ZNF536: variants seen among roughly 807,000 people sequenced by gnomAD.
The protein encoded by ZNF536 is zinc finger protein 536.
Under a neutral mutation model 84.5 loss-of-function variants are expected in ZNF536, and 13 were observed. The ratio of observed to expected loss-of-function variants is 0.15; its 90% confidence interval spans 0.10 to 0.24. ZNF536 has a LOEUF of 0.24. Ranked by LOEUF, ZNF536 falls within the 10% of genes least tolerant of loss-of-function variation. ZNF536 has a pLI of 1.00. For missense variants in ZNF536, 1,536 were observed against 1,747.5 expected (o/e 0.88, Z 2.16); for synonymous variants, 811 against 742.5 (o/e 1.09, Z -1.50).
chr19:30,589,001 G>A (rs913322001), intron 1 of ZNF536, among the ~76,000 whole-genome samples: 1 of 152,226 alleles, frequency 6.6e-6, no homozygotes, highest in Admixed American at 6.5e-5. Flanking sequence ...GAGCTATTCA[G>A]ACTTGGTGAA....
In ZNF536 at chr19:30,491,685, A is replaced by C. The variant is rs370196504; in HGVS notation, c.2171-43162A>C. Among the ~76,000 whole-genome samples the C allele has an allele frequency of 5.8e-4, 89 of 152,270 alleles. 2 individuals are homozygous for C. In the South Asian group the frequency reaches 0.018, roughly 30 times the overall value. ...GTGCACTAACAAAAAATTCTTTTGA[A>C]ATAATAGGTGCTAGAAATCACAATT... On this transcript the variant is annotated intron_variant, in intron 2 of 4. Coordinates refer to ENST00000355537, the MANE Select transcript of ZNF536 (RefSeq NM_014717.3).
In ZNF536 at chr19:30,549,219, C is replaced by G. The variant is rs545401755; in HGVS notation, c.3600C>G (p.Asp1200Glu). Residue 1200 changes from aspartate to glutamate, a missense_variant, in exon 4 of 5, where the codon GAC (aspartate) becomes GAG (glutamate). Asp to Glu is a conservative substitution (Grantham distance 45). Coordinates refer to ENST00000355537, the MANE Select transcript of ZNF536 (RefSeq NM_014717.3). ...AGCCACTGTCTGCCCTCAGCAAAGACAGCAGCAGCGATGGCGGGGACAGCC... is the reference window on the plus strand; with the variant it reads ...AGCCACTGTCTGCCCTCAGCAAAGAGAGCAGCAGCGATGGCGGGGACAGCC... ...MTKPLSALSK[D>E]SSSDGGDSLQ... The G allele has an allele frequency of 1.9e-6, 3 of 1,613,994 alleles. No homozygotes were observed. The highest frequency in any genetic ancestry group is 3.3e-5 in the Admixed American group (2 of 60,012).
At chr19:30,605,611 A>G (rs1246963196) in intron 1 of ZNF536, among the ~76,000 whole-genome samples, 1 of 152,156 alleles carries the variant, frequency 6.6e-6, no homozygotes, top group African/African-American at 2.4e-5. Flanking sequence ...GGTTGGTTCC[A>G]TATCTTTGCA....
intron 2 of ZNF536, among the ~76,000 whole-genome samples, chr19:30,310,958 C>A (rs757413181): frequency 2.6e-5 from 4 of 152,194 alleles, no homozygotes; most frequent in Non-Finnish European, 4.4e-5. Context: ...GGCCCCGGCT[C>A]CCTTGCCCGT....
chr19:30,329,678 C>T (rs1213585740), intron 2 of ZNF536, among the ~76,000 whole-genome samples: 1 of 152,180 alleles, frequency 6.6e-6, no homozygotes, highest in Non-Finnish European at 1.5e-5. Context: ...TATCAGGCCC[C>T]TCTCCCTCTC....
chr19:30,255,686 A>G (rs1297879057), intron 1 of ZNF536, among the ~76,000 whole-genome samples: 2 of 152,212 alleles, frequency 1.3e-5, no homozygotes, highest in African/African-American at 2.4e-5. Flanking sequence ...CAACTTCAAT[A>G]CAGCAGTCTG....
At chr19:30,377,418 A>G (rs1219662099) in intron 1 of ZNF536, among the ~76,000 whole-genome samples, 2 of 152,172 alleles carry the variant, frequency 1.3e-5, no homozygotes, top group Non-Finnish European at 2.9e-5. Flanking sequence ...CCAGACCCCA[A>G]GAGAGGCTTC....
chr19:30,408,384 T>C (rs2050350601), intron 1 of ZNF536, among the ~76,000 whole-genome samples: 1 of 152,192 alleles, frequency 6.6e-6, no homozygotes, highest in African/African-American at 2.4e-5. Flanking sequence ...GATGCCCTTG[T>C]GAGCCAGCCT....
chr19:30,423,825 G>A (rs2051090425), intron 1 of ZNF536, among the ~76,000 whole-genome samples: 1 of 151,778 alleles, frequency 6.6e-6, no homozygotes. Context: ...AGCGGTCGCT[G>A]CGAAGGACGT....
At chr19:30,466,363 G>A (rs561912284) in intron 2 of ZNF536, among the ~76,000 whole-genome samples, 21 of 146,608 alleles carry the variant, frequency 1.4e-4, no homozygotes, top group South Asian at 1.3e-3. Flanking sequence ...GCAACAAAGC[G>A]AAACTCCATT....
chr19:30,661,406 G>A (rs2050116769), intron 1 of ZNF536, among the ~76,000 whole-genome samples: 1 of 152,186 alleles, frequency 6.6e-6, no homozygotes, highest in Non-Finnish European at 1.5e-5. Flanking sequence ...GTCCTGCAAA[G>A]GAAAAGGCTG....
intron 1 of ZNF536, among the ~76,000 whole-genome samples, chr19:30,376,416 G>A (rs2048820628): frequency 6.6e-6 from 1 of 152,156 alleles, no homozygotes; most frequent in Admixed American, 6.5e-5. Flanking sequence ...CCAGCCCCCT[G>A]CCTCCCACTA....
chr19:30,680,416 C>A (rs2050922583), intron 1 of ZNF536, among the ~76,000 whole-genome samples: 1 of 115,262 alleles, frequency 8.7e-6, no homozygotes, highest in East Asian at 2.7e-4. Flanking sequence ...CCCCACCCCA[C>A]AACAGTCCCC....
intron 2 of ZNF536, among the ~76,000 whole-genome samples, chr19:30,332,322 C>T (rs1341962702): frequency 6.6e-6 from 1 of 152,124 alleles, no homozygotes; most frequent in African/African-American, 2.4e-5. Context: ...CCCAGAGATC[C>T]TCACCTCTGG....
At chr19:30,268,042 C>CGCCTCCCTCCCTTCCTCTCCCCCT (rs2025611350) in intron 1 of ZNF536, among the ~76,000 whole-genome samples, 1 of 118,296 alleles carries the variant, frequency 8.5e-6, no homozygotes. Context: ...TTCCTCCCCC[C>CGCCTCCCTCCCTTCCTCTCCCCCT]GCCTCCCTCC....
chr19:30,276,117 C>A (rs1362507393), intron 1 of ZNF536, among the ~76,000 whole-genome samples: 4 of 151,904 alleles, frequency 2.6e-5, no homozygotes, highest in Non-Finnish European at 4.4e-5. Flanking sequence ...GTGCAGGGAG[C>A]CGACTGGAGC....
chr19:30,266,430 T>C (rs1268058771), intron 1 of ZNF536, among the ~76,000 whole-genome samples: 1 of 152,146 alleles, frequency 6.6e-6, no homozygotes, highest in East Asian at 1.9e-4. Context: ...CCAAGAATTC[T>C]TCCCTGTGGT....
chr19:30,254,154 C>T (rs2024779427), intron 1 of ZNF536, among the ~76,000 whole-genome samples: 1 of 152,152 alleles, frequency 6.6e-6, no homozygotes, highest in Non-Finnish European at 1.5e-5. Context: ...AAGATTATGT[C>T]TATCTAGTTA....
At chr19:30,634,201 G>A (rs749491414) in intron 1 of ZNF536, among the ~76,000 whole-genome samples, 10 of 152,282 alleles carry the variant, frequency 6.6e-5, no homozygotes, top group South Asian at 2.1e-4. Flanking sequence ...GGCTTAAGGC[G>A]CGGTGCTGGC....
Sources: gnomAD v4.1 joint callset for allele counts (sites outside exome capture counted in the v4.1 genomes callset) on GRCh38, gnomAD v4.1.1 for gene constraint, MANE v1.5 for transcripts, NCBI Gene and HGNC (gene_info 2026-07-23, HGNC 2026-07-21) for gene names.